DIS3L2: variants seen among roughly 807,000 people sequenced by gnomAD.
The protein encoded by DIS3L2 is DIS3-like exonuclease 2.
DIS3L2 carries 34 observed loss-of-function variants against 97.5 expected under a neutral mutation model. The observed-to-expected ratio is 0.35, with a 90% CI of 0.27 to 0.46. The LOEUF (loss-of-function observed/expected upper bound fraction) is 0.46. Among genes scored for constraint, DIS3L2 ranks in the 20% least tolerant of loss-of-function variants. DIS3L2 has a pLI of 1.00. For synonymous variants in DIS3L2, 435 were observed against 445.2 expected (o/e 0.98, Z 0.29); for missense variants, 1,038 against 1,146.0 (o/e 0.91, Z 1.36).
chr2:231,984,349 G>A (rs1341120094), intron 1 of DIS3L2, among the ~76,000 whole-genome samples: 1 of 150,816 alleles, frequency 6.6e-6, no homozygotes, highest in Non-Finnish European at 1.5e-5. Flanking sequence ...CACCCAGGCT[G>A]GAGTGAGTGG....
intron 20 of DIS3L2, 75 bp from the exon 21 acceptor site, chr2:232,336,394 C>T (rs1695949049): frequency 6.4e-7 from 1 of 1,553,968 alleles, no homozygotes; most frequent in Non-Finnish European, 8.7e-7. Context: ...GGTCCTGCTG[C>T]AGGGATGGAG....
At chr2:232,214,082 T>C (rs1278587429) in intron 10 of DIS3L2, among the ~76,000 whole-genome samples, 1 of 152,168 alleles carries the variant, frequency 6.6e-6, no homozygotes, top group African/African-American at 2.4e-5. Flanking sequence ...CAAGAAAATA[T>C]TTAGTAATGT....
chr2:232,252,030 G>T (rs1261092531), intron 12 of DIS3L2, among the ~76,000 whole-genome samples: 2 of 152,200 alleles, frequency 1.3e-5, no homozygotes, highest in Non-Finnish European at 2.9e-5. Context: ...ACTTAGATCA[G>T]GGCTGGCAGA....
At chr2:232,014,491 G>A (rs1291589578) in intron 1 of DIS3L2, among the ~76,000 whole-genome samples, 1 of 152,170 alleles carries the variant, frequency 6.6e-6, no homozygotes, top group Non-Finnish European at 1.5e-5. Flanking sequence ...TTAGATTCTA[G>A]ATCTTTATTA....
chr2:232,069,100 A>T (rs1488595653), intron 5 of DIS3L2, among the ~76,000 whole-genome samples: 29 of 152,118 alleles, frequency 1.9e-4, no homozygotes, highest in Non-Finnish European at 1.2e-4. Flanking sequence ...TACATGCGTG[A>T]GCCACCGAGT....
At chr2:232,294,308 G>T (rs1240923971) in intron 13 of DIS3L2, among the ~76,000 whole-genome samples, 1 of 152,204 alleles carries the variant, frequency 6.6e-6, no homozygotes, top group East Asian at 1.9e-4. Flanking sequence ...TGGGGAGCAG[G>T]ACAGGGGAAT....
At position 232,210,029 on chromosome 2, in the gene DIS3L2, C is replaced by G. The variant is rs56408197; in HGVS notation, c.1125-297C>G. Among the ~76,000 whole-genome samples, 1,821 of 152,292 alleles carry G rather than the reference C, an allele frequency of 0.012. 17 individuals carry two copies. The highest frequency in any genetic ancestry group is 0.018 in the Non-Finnish European group (1,195 of 68,016). ...GTAACTTGCCCCTCTTGTTGGCCAA[C>G]TCTTCTTGAGAAGCCTCGTTCATGG... On this transcript the variant is annotated intron_variant, in intron 9 of 20. Transcript: ENST00000325385.
intron 9 of DIS3L2, among the ~76,000 whole-genome samples, chr2:232,184,735 C>A (rs1056372773): frequency 1.4e-4 from 21 of 152,170 alleles, no homozygotes; most frequent in Admixed American, 4.6e-4. Flanking sequence ...TGTTGGGTAG[C>A]CTGACATTCG....
At chr2:232,088,877 C>A (rs752108698) in intron 6 of DIS3L2, among the ~76,000 whole-genome samples, 2 of 152,080 alleles carry the variant, frequency 1.3e-5, no homozygotes, top group African/African-American at 2.4e-5. Flanking sequence ...CTAGCCAAAT[C>A]GAATTTTATG....
At chr2:232,181,418 G>A in intron 9 of DIS3L2, among the ~76,000 whole-genome samples, 1 of 152,210 alleles carries the variant, frequency 6.6e-6, no homozygotes, top group Non-Finnish European at 1.5e-5. Flanking sequence ...TTCCAACTTG[G>A]TTCCATTCTC....
chr2:231,988,515 T>C (rs1251808008), intron 1 of DIS3L2, among the ~76,000 whole-genome samples: 1 of 152,212 alleles, frequency 6.6e-6, no homozygotes, highest in East Asian at 1.9e-4. Flanking sequence ...TTTTGTGTCC[T>C]CCATTCCTCC....
At chr2:232,085,795 TTTTTA>T (rs775986659) in intron 5 of DIS3L2, among the ~76,000 whole-genome samples, 12 of 152,016 alleles carry the variant, frequency 7.9e-5, no homozygotes, top group African/African-American at 1.7e-4. Flanking sequence ...CTGGATTGGT[TTTTTA>T]TTTTATTTTA....
At chr2:232,320,138 G>C (rs1306336071) in intron 14 of DIS3L2, among the ~76,000 whole-genome samples, 14 of 147,736 alleles carry the variant, frequency 9.5e-5, no homozygotes, top group Admixed American at 9.4e-4. Flanking sequence ...AGTGCCACGT[G>C]GGGTGGGCAC....
intron 5 of DIS3L2, among the ~76,000 whole-genome samples, chr2:232,031,722 C>T (rs559875943): frequency 1.5e-4 from 23 of 152,074 alleles, no homozygotes; most frequent in African/African-American, 5.5e-4. Flanking sequence ...TCATTGTTCA[C>T]CTCCCACTTA....
chr2:232,094,083 G>A (rs991629042), intron 6 of DIS3L2, among the ~76,000 whole-genome samples: 2 of 151,902 alleles, frequency 1.3e-5, no homozygotes, highest in South Asian at 4.2e-4. Flanking sequence ...TAACCCACTG[G>A]TCATTCAGCA....
intron 14 of DIS3L2, among the ~76,000 whole-genome samples, chr2:232,318,412 C>A (rs577728636): frequency 6.6e-6 from 1 of 152,346 alleles, no homozygotes; most frequent in African/African-American, 2.4e-5. Flanking sequence ...GCTTGTCCAG[C>A]AAACATTATT....
At chr2:232,155,679 T>G (rs150097955) in intron 8 of DIS3L2, among the ~76,000 whole-genome samples, 20 of 152,240 alleles carry the variant, frequency 1.3e-4, no homozygotes, top group South Asian at 4.1e-4. Flanking sequence ...GAAGGAAGGA[T>G]CTAGAGATGA....
chr2:232,021,578 A>G (rs1403067885), intron 3 of DIS3L2, among the ~76,000 whole-genome samples: 2 of 152,040 alleles, frequency 1.3e-5, no homozygotes, highest in African/African-American at 4.8e-5. Context: ...GGTCTTCAAC[A>G]TGGATGTGAA....
At chr2:232,232,694 C>G (rs531164171) in intron 10 of DIS3L2, among the ~76,000 whole-genome samples, 1 of 152,174 alleles carries the variant, frequency 6.6e-6, no homozygotes, top group African/African-American at 2.4e-5. Flanking sequence ...GTGATGTGAC[C>G]GTGGGACAGC....
Sources: gnomAD v4.1 joint callset for allele counts (sites outside exome capture counted in the v4.1 genomes callset) on GRCh38, gnomAD v4.1.1 for gene constraint, MANE v1.5 for transcripts, NCBI Gene and HGNC (gene_info 2026-07-23, HGNC 2026-07-21) for gene names.